PLEKHA2: variants seen among roughly 807,000 people sequenced by gnomAD.
PLEKHA2 encodes the protein pleckstrin homology domain-containing family A member 2.
A neutral mutation model predicts 53.2 loss-of-function variants in PLEKHA2; 28 were observed. The ratio of observed to expected loss-of-function variants is 0.53; its 90% confidence interval spans 0.39 to 0.72. PLEKHA2 has a LOEUF of 0.72. PLEKHA2 is among the 30% of genes least tolerant of loss of function. PLEKHA2 has a pLI of 0.00. For missense variants in PLEKHA2, 426 were observed against 537.9 expected (o/e 0.79, Z 2.06); for synonymous variants, 193 against 196.4 (o/e 0.98, Z 0.14).
chr8:38,917,064 A>G (rs894065495), intron 1 of PLEKHA2, among the ~76,000 whole-genome samples: 5 of 152,112 alleles, frequency 3.3e-5, no homozygotes. Context: ...TGCCACTCGT[A>G]TGTGTTTTCC....
intron 3 of PLEKHA2, among the ~76,000 whole-genome samples, chr8:38,938,949 G>A (rs958769626): frequency 2.6e-5 from 4 of 151,004 alleles, no homozygotes; most frequent in Non-Finnish European, 5.9e-5. Context: ...TGTCACCCAG[G>A]CTGGAGTGCA....
rs1491441405 is a variant in PLEKHA2, at chr8:38,940,648, GGC to G, written c.199-3139_199-3138del. 2.4e-3 allele frequency among the ~76,000 whole-genome samples: 157 copies of G among 64,938 alleles called. 2 individuals carry two copies. The highest frequency in any genetic ancestry group is 8.1e-3 in the African/African-American group (148 of 18,234). 42.6% of individuals were successfully genotyped at this position (64,938 alleles called of 152,430 possible). A position where few individuals can be genotyped will look rare whatever the true frequency, so the allele number is the denominator to read the frequency against. On this transcript the variant is annotated intron_variant, in intron 3 of 11. Coordinates refer to ENST00000617275, the MANE Select transcript of PLEKHA2 (RefSeq NM_021623.2). ...TCTATGCCGTGGTCCAGATTGAAGG[GGC>G]GGGGGGGGGGGGTCAGAAACCCAGG... is the stretch of plus-strand genomic sequence containing the variant.
chr8:38,934,705 G>T (rs2129418865), intron 2 of PLEKHA2, among the ~76,000 whole-genome samples: 1 of 152,250 alleles, frequency 6.6e-6, no homozygotes, highest in African/African-American at 2.4e-5. Flanking sequence ...GCCAGACCTG[G>T]TGCCTGTGAG....
chr8:38,915,465 C>G (rs1328788075), intron 1 of PLEKHA2, among the ~76,000 whole-genome samples: 1 of 152,236 alleles, frequency 6.6e-6, no homozygotes, highest in Non-Finnish European at 1.5e-5. Context: ...TGCGCCTCGG[C>G]TTCTGGATGG....
At chr8:38,943,252 G>A (rs758122810) in intron 3 of PLEKHA2, among the ~76,000 whole-genome samples, 38 of 151,986 alleles carry the variant, frequency 2.5e-4, no homozygotes, top group Non-Finnish European at 4.7e-4. Flanking sequence ...AGGCTGAGGC[G>A]GGAGGATTGC....
intron 10 of PLEKHA2, chr8:38,960,855 A>G (rs567936692): frequency 1.2e-3 from 182 of 152,390 alleles, no homozygotes; most frequent in African/African-American, 4.1e-3. Flanking sequence ...AGCCATATCA[A>G]GAAATTTTTA....
At chr8:38,919,986 T>A (rs931279854) in intron 2 of PLEKHA2, among the ~76,000 whole-genome samples, 47 of 152,156 alleles carry the variant, frequency 3.1e-4, no homozygotes, top group Admixed American at 4.6e-4. Context: ...CTCTCTTTTT[T>A]TTTGAGACAG....
chr8:38,957,219 C>A, intron 9 of PLEKHA2, 104 bp from the exon 10 acceptor site: 1 of 825,086 alleles, frequency 1.2e-6, no homozygotes, highest in Non-Finnish European at 1.9e-6. Flanking sequence ...CACCCCCCAC[C>A]CATCTTCCTT....
At chr8:38,931,725 C>T (rs1317441340) in intron 2 of PLEKHA2, among the ~76,000 whole-genome samples, 2 of 152,220 alleles carry the variant, frequency 1.3e-5, no homozygotes, top group African/African-American at 4.8e-5. Context: ...GGAGTCCCCT[C>T]TGTAAAGCAG....
intron 2 of PLEKHA2, among the ~76,000 whole-genome samples, chr8:38,931,458 T>C (rs1834392326): frequency 6.6e-6 from 1 of 152,094 alleles, no homozygotes; most frequent in Admixed American, 6.5e-5. Context: ...CCACCTCCTT[T>C]TCATTGGGGT....
intron 1 of PLEKHA2, among the ~76,000 whole-genome samples, chr8:38,909,959 C>CT (rs71216695): frequency 0.33 from 46,771 of 141,506 alleles, 7,922 homozygotes; most frequent in Admixed American, 0.47. Context: ...CATTAAAATA[C>CT]TTTTTTTTTT....
chr8:38,970,039 A>C lies in PLEKHA2; in HGVS notation c.*256A>C. 3.5e-6 allele frequency: 2 copies of C among 567,754 alleles called. No homozygotes were observed. The highest frequency in any genetic ancestry group is 6.1e-6 in the Non-Finnish European group (2 of 328,212). 35.2% of individuals were successfully genotyped at this position (567,754 alleles called of 1,614,324 possible). The stretch of plus-strand genomic sequence containing the variant: ...CTAGGTTAGAACTGTAGGCATACTC[A>C]GTGGAGAGGAAGCTACCTATTCTAT... On this transcript the variant is annotated 3_prime_UTR_variant, in exon 12 of 12. Transcript: ENST00000617275.
intron 9 of PLEKHA2, among the ~76,000 whole-genome samples, chr8:38,955,815 T>C (rs1013757586): frequency 6.6e-6 from 1 of 152,128 alleles, no homozygotes; most frequent in Admixed American, 6.5e-5. Flanking sequence ...TTTGCTTCCT[T>C]ATGTTCTTTT....
chr8:38,928,211 C>CTTCA (rs1194263954), intron 2 of PLEKHA2, among the ~76,000 whole-genome samples: 4 of 148,272 alleles, frequency 2.7e-5, no homozygotes, highest in Non-Finnish European at 5.9e-5. Flanking sequence ...GGGAGATTAT[C>CTTCA]TGAAGCCCAG....
In PLEKHA2 at chr8:38,916,353, C is replaced by T. The variant is rs1032529529; in HGVS notation, c.-23-1554C>T. 7.9e-5 allele frequency among the ~76,000 whole-genome samples: 12 copies of T among 152,126 alleles called. 1 individual carries two copies. The highest frequency in any genetic ancestry group is 1.6e-4 in the Non-Finnish European group (11 of 68,028). On this transcript the variant is annotated intron_variant, in intron 1 of 11. Transcript: ENST00000617275. Reference sequence around the variant, plus strand: ...CCTGTTGTACTATCAAATAGTAGGTCTTATTCACTCTTTCTAACTATTTTT... The same window carrying T: ...CCTGTTGTACTATCAAATAGTAGGTTTTATTCACTCTTTCTAACTATTTTT...
Position 38,936,357 on chromosome 8 carries a change from A to G in PLEKHA2, c.198+307A>G, listed in dbSNP as rs552987355. ...GGTGGAGCTGGGGTAGGGGTAGTAC[A>G]TGATCCATGACCTTTTTTTGTAATT... On this transcript the variant is annotated intron_variant, in intron 3 of 11. Coordinates refer to ENST00000617275, the MANE Select transcript of PLEKHA2 (RefSeq NM_021623.2). Among the ~76,000 whole-genome samples, 199 of 152,330 alleles carry G rather than the reference A, an allele frequency of 1.3e-3. 1 individual carries two copies. The highest frequency in any genetic ancestry group is 4.7e-3 in the African/African-American group (196 of 41,576).
chr8:38,938,215 C>CT (rs979703710), intron 3 of PLEKHA2, among the ~76,000 whole-genome samples: 8 of 152,202 alleles, frequency 5.3e-5, no homozygotes, highest in African/African-American at 1.7e-4. Flanking sequence ...CTCATGGATC[C>CT]TTTTTTGAGA....
At chr8:38,931,758 G>A (rs1023708476) in intron 2 of PLEKHA2, among the ~76,000 whole-genome samples, 1 of 152,050 alleles carries the variant, frequency 6.6e-6, no homozygotes, top group Non-Finnish European at 1.5e-5. Flanking sequence ...CATGACCTTC[G>A]TGTGCTTCCG....
chr8:38,968,232 TG>T (rs1332618091), intron 10 of PLEKHA2, among the ~76,000 whole-genome samples: 3 of 152,220 alleles, frequency 2.0e-5, no homozygotes, highest in African/African-American at 7.2e-5. Flanking sequence ...CCTTGGGCTT[TG>T]GCTTTCTGGG....
Sources: gnomAD v4.1 joint callset for allele counts (sites outside exome capture counted in the v4.1 genomes callset) on GRCh38, gnomAD v4.1.1 for gene constraint, MANE v1.5 for transcripts, NCBI Gene and HGNC (gene_info 2026-07-23, HGNC 2026-07-21) for gene names.